The following FAM228B variants were observed in gnomAD, a reference collection of about 807,000 sequenced individuals.
FAM228B encodes the protein protein FAM228B.
A neutral mutation model predicts 42.6 loss-of-function variants in FAM228B; 38 were observed. The ratio of observed to expected loss-of-function variants is 0.89; its 90% CI spans 0.69 to 1.17. FAM228B has a LOEUF of 1.17. Ranked by LOEUF, FAM228B falls within the 50% of genes most tolerant of loss-of-function variation. The probability of loss-of-function intolerance (pLI) is 0.00; values close to 1 mark genes in which losing one functional copy is unlikely to be tolerated. For missense variants in FAM228B, 344 were observed against 367.3 expected (o/e 0.94, Z 0.52); for synonymous variants, 109 against 122.3 (o/e 0.89, Z 0.72).
intron 2 of FAM228B, among the ~76,000 whole-genome samples, chr2:24,082,439 A>C (rs757059068): frequency 1.3e-5 from 2 of 152,112 alleles, no homozygotes; most frequent in Non-Finnish European, 2.9e-5. Flanking sequence ...TCTAAACTCT[A>C]TGGTCATCTG....
chr2:24,084,191 G>C lies in FAM228B; in HGVS notation c.-210+3236G>C. 1 of 1,611,738 alleles carries C rather than the reference G, an allele frequency of 6.2e-7. No individual in the cohort carries two copies. The highest frequency in any genetic ancestry group is 1.7e-5 in the Admixed American group (1 of 59,910). On this transcript the variant is annotated intron_variant, in intron 2 of 10. Transcript: ENST00000613899. This position sits in a 1 kb window ranked among gnomAD's most constrained non-coding sequence, Gnocchi z 8.4. ...CGGCGCGGCTGAGCCCTGGGTACCTGCATTAAGTCCGCCCGGTTCAGGGCG... is the reference window on the plus strand; with the variant it reads ...CGGCGCGGCTGAGCCCTGGGTACCTCCATTAAGTCCGCCCGGTTCAGGGCG...
At position 24,158,215 on chromosome 2, in the gene FAM228B, C is replaced by CTTTTTTTTTTTTTTTTTTTTTTTT. The variant is rs1335914110; in HGVS notation, c.687-3291_687-3290insTTTTTTTTTTTTTTTTTTTTTTTT. 4.4e-4 allele frequency among the ~76,000 whole-genome samples: 4 copies of CTTTTTTTTTTTTTTTTTTTTTTTT among 9,176 alleles called. 1 individual carries two copies. Among genetic ancestry groups the CTTTTTTTTTTTTTTTTTTTTTTTT allele is most frequent in the African/African-American group, 2.2e-3 (4 of 1,816 alleles). 6.0% of individuals were successfully genotyped at this position (9,176 alleles called of 152,430 possible). ...AACCTCCTTTTTTTTTTTTTTTTTC[C>CTTTTTTTTTTTTTTTTTTTTTTTT]AAAACATTGTTCCCAAGACTCTATT... On this transcript the variant is annotated intron_variant, in intron 7 of 10. Coordinates refer to ENST00000615575, the MANE Select transcript of FAM228B (RefSeq NM_001145710.2).
At chr2:24,134,151 T>C (rs1474659932) in intron 2 of FAM228B, among the ~76,000 whole-genome samples, 2 of 152,332 alleles carry the variant, frequency 1.3e-5, no homozygotes, top group African/African-American at 4.8e-5. Flanking sequence ...TTACATTTTA[T>C]AGACAGTTGT....
chr2:24,101,849 A>AT (rs1283445785), intron 3 of FAM228B, among the ~76,000 whole-genome samples: 2 of 151,926 alleles, frequency 1.3e-5, no homozygotes, highest in Non-Finnish European at 2.9e-5. Flanking sequence ...TGCCTGGCTA[A>AT]TTTTTTGTAT....
intron 8 of FAM228B, 136 bp from the exon 9 acceptor site, chr2:24,164,062 A>T (rs1667341054): frequency 1.2e-6 from 1 of 824,140 alleles, no homozygotes; most frequent in South Asian, 2.1e-5. Flanking sequence ...ACACAAAAAA[A>T]GTAAATACGT....
chr2:24,141,098 C>T (rs1162199740), intron 5 of FAM228B, among the ~76,000 whole-genome samples: 35 of 147,610 alleles, frequency 2.4e-4, no homozygotes, highest in African/African-American at 7.2e-4. Flanking sequence ...TTTTTTTTGA[C>T]GGAGTCTCAC....
intron 7 of FAM228B, among the ~76,000 whole-genome samples, chr2:24,153,761 T>C (rs1115856): frequency 0.86 from 130,657 of 152,160 alleles, 57,594 homozygotes; most frequent in Non-Finnish European, 0.95. Flanking sequence ...CAGCCCAACA[T>C]GAGGAATTGC....
intron 8 of FAM228B, among the ~76,000 whole-genome samples, chr2:24,162,220 G>T (rs1243743966): frequency 1.3e-5 from 2 of 152,218 alleles, no homozygotes; most frequent in Non-Finnish European, 2.9e-5. Flanking sequence ...AAGGTTAGGA[G>T]ATTTAAAATT....
chr2:24,112,899 G>T (rs1665821003), intron 3 of FAM228B, among the ~76,000 whole-genome samples: 1 of 152,054 alleles, frequency 6.6e-6, no homozygotes, highest in African/African-American at 2.4e-5. Context: ...CTTGGCATTT[G>T]GTGCTCCTTC....
upstream of FAM228B, among the ~76,000 whole-genome samples, chr2:24,121,758 C>G (rs13024132): frequency 0.12 from 17,921 of 152,048 alleles, 1,254 homozygotes; most frequent in South Asian, 0.18. Context: ...AGAGCTGGCT[C>G]TTAGAAAGAG....
chr2:24,131,929 C>T (rs1666464696), intron 2 of FAM228B, among the ~76,000 whole-genome samples: 1 of 152,134 alleles, frequency 6.6e-6, no homozygotes, highest in South Asian at 2.1e-4. Context: ...GAAATGCTTC[C>T]AGCTTTTGCC....
At position 24,147,027 on chromosome 2, in the gene FAM228B, A is replaced by G. The variant is rs1194474502; in HGVS notation, c.627A>G (p.Pro209=). 3 of 1,551,352 alleles carry G rather than the reference A, an allele frequency of 1.9e-6. No homozygotes were observed. Among genetic ancestry groups the G allele is most frequent in the African/African-American group, 2.7e-5 (2 of 73,032 alleles). ...CTAATTCAAGGCACTTTATAACTCC[A>G]AACGAGTGGCTGAAACTGCCTACAA... ...QISNSRHFIT[P]NEWLKLPTRY... The change falls in exon 7 of 11, where the codon CCA becomes CCG. Residue 209 remains proline (P), a synonymous_variant. Transcript: ENST00000615575.
intron 8 of FAM228B, among the ~76,000 whole-genome samples, chr2:24,161,847 C>T (rs1481687868): frequency 1.3e-5 from 2 of 152,044 alleles, no homozygotes; most frequent in African/African-American, 4.8e-5. Context: ...GCCTGTAATC[C>T]CAGCACTTTG....
intron 3 of FAM228B, among the ~76,000 whole-genome samples, chr2:24,099,578 T>G (rs1000846671): frequency 2.0e-5 from 3 of 152,140 alleles, no homozygotes; most frequent in African/African-American, 7.2e-5. Flanking sequence ...GAAGGACCTC[T>G]TCAAGGAGAA....
chr2:24,125,170 A>C (rs1468247716), intron 2 of FAM228B, among the ~76,000 whole-genome samples: 1 of 152,168 alleles, frequency 6.6e-6, no homozygotes, highest in Non-Finnish European at 1.5e-5. Flanking sequence ...TGAGCCCAGG[A>C]GTTCTATCTA....
chr2:24,126,599 A>G (rs1361150422), intron 2 of FAM228B, among the ~76,000 whole-genome samples: 2 of 150,338 alleles, frequency 1.3e-5, no homozygotes, highest in South Asian at 2.1e-4. Context: ...TTTACATGCC[A>G]TAAGATTCAC....
intron 3 of FAM228B, among the ~76,000 whole-genome samples, chr2:24,112,340 G>A (rs1190121451): frequency 2.3e-5 from 3 of 131,016 alleles, no homozygotes; most frequent in Non-Finnish European, 3.1e-5. Context: ...CGCTCTTGTC[G>A]CCCAGGGTAG....
chr2:24,119,731 G>A (rs1284413283), upstream of FAM228B: 1 of 1,398,676 alleles, frequency 7.1e-7, no homozygotes, highest in Non-Finnish European at 1.0e-6. Flanking sequence ...CTAATCACAG[G>A]ACCAGTGGTC....
intron 9 of FAM228B, among the ~76,000 whole-genome samples, chr2:24,166,741 CTGTTTTAGGTGG>C (rs1667425362): frequency 2.6e-5 from 4 of 152,006 alleles, no homozygotes; most frequent in Non-Finnish European, 5.9e-5. Flanking sequence ...ATGAAGAGGA[CTGTTTTAGGTGG>C]AGAAGTCAGA....
Sources: allele counts gnomAD v4.1 joint callset (sites outside exome capture counted in the v4.1 genomes callset), GRCh38; gene constraint gnomAD v4.1.1; non-coding constraint Gnocchi (gnomAD v3.1); transcripts MANE v1.5; gene names NCBI Gene and HGNC (gene_info 2026-07-23, HGNC 2026-07-21).